Variants in MAP4K5 observed in about 807,000 individuals in gnomAD.
MAP4K5 encodes MAPK/ERK kinase kinase kinase 5.
A neutral mutation model predicts 135.6 loss-of-function variants in MAP4K5; 82 were observed. The observed-to-expected ratio is 0.60, with a 90% CI of 0.51 to 0.73. MAP4K5 has a LOEUF of 0.73. MAP4K5 is among the 30% of genes least tolerant of loss of function. The pLI is 0.00. For missense variants in MAP4K5, 907 were observed against 1,010.9 expected, an observed-to-expected ratio of 0.90 and a Z score of 1.39; for synonymous variants, 347 against 335.0, an observed-to-expected ratio of 1.04 and a Z score of -0.39.
chr14:50,527,063 T>C (rs2038281470), intron 2 of MAP4K5, among the ~76,000 whole-genome samples: 1 of 152,218 alleles, frequency 6.6e-6, no homozygotes. Context: ...TACTTTTGAC[T>C]GGGTGTGGTG....
intron 6 of MAP4K5, among the ~76,000 whole-genome samples, chr14:50,480,602 C>T (rs2139900940): frequency 6.6e-6 from 1 of 152,208 alleles, no homozygotes; most frequent in East Asian, 1.9e-4. Flanking sequence ...ATAAGGATCT[C>T]CAGCTCCATC....
At chr14:50,457,984 G>T (rs528405567) in intron 13 of MAP4K5, among the ~76,000 whole-genome samples, 2 of 152,262 alleles carry the variant, frequency 1.3e-5, no homozygotes, top group African/African-American at 4.8e-5. Context: ...CACATCTGGG[G>T]TATCAATCAT....
chr14:50,472,368 G>A (rs1257395434), intron 9 of MAP4K5: 3 of 152,030 alleles, frequency 2.0e-5, no homozygotes, highest in Non-Finnish European at 4.4e-5. Flanking sequence ...AATTATCTGA[G>A]TTATCTTTGA....
chr14:50,473,575 T>C (rs2037021609), intron 9 of MAP4K5, among the ~76,000 whole-genome samples: 1 of 152,292 alleles, frequency 6.6e-6, no homozygotes. Flanking sequence ...TAATTTTGTT[T>C]AAGCTGGTGG....
intron 1 of MAP4K5, among the ~76,000 whole-genome samples, chr14:50,557,167 T>G (rs977344036): frequency 1.3e-5 from 2 of 152,220 alleles, no homozygotes; most frequent in African/African-American, 4.8e-5. Flanking sequence ...TCTTTTTGAT[T>G]ATAGTCATCA....
intron 2 of MAP4K5, among the ~76,000 whole-genome samples, chr14:50,520,043 C>A (rs942470540): frequency 1.3e-5 from 2 of 152,192 alleles, no homozygotes; most frequent in African/African-American, 4.8e-5. Flanking sequence ...GGGATGCATG[C>A]ATGTGAGAAA....
Position 50,419,748 on chromosome 14 carries a change from T to TA in MAP4K5, c.*270dup, listed in dbSNP as rs1595406251. On this transcript the variant is annotated 3_prime_UTR_variant, in exon 33 of 33. Transcript: ENST00000682126. ...CCCTTGTTACAAACATTGTTTTTTT[T>TA]AAAAAAAGACTGTGTTTCCTGGAAC... is the stretch of plus-strand genomic sequence containing the variant. 1.6e-5 allele frequency: 5 copies of TA among 312,520 alleles called. No individual in the cohort carries two copies. The highest frequency in any genetic ancestry group is 8.7e-5 in the South Asian group (1 of 11,458). 19.4% of individuals were successfully genotyped at this position (312,520 alleles called of 1,614,324 possible).
At chr14:50,493,474 C>A (rs2037529104) in intron 3 of MAP4K5, among the ~76,000 whole-genome samples, 1 of 151,890 alleles carries the variant, frequency 6.6e-6, no homozygotes, top group South Asian at 2.1e-4. Context: ...CATTAAAAAT[C>A]ACATAAAAGT....
rs536690878 is a variant in MAP4K5 at position 50,467,991 on chromosome 14, A to G, written c.674+660T>C. 5.0e-4 allele frequency among the ~76,000 whole-genome samples: 76 copies of G among 152,216 alleles called. 1 individual carries two copies. The highest frequency in any genetic ancestry group is 1.8e-3 in the African/African-American group (74 of 41,584). On this transcript the variant is annotated intron_variant, in intron 10 of 32. Transcript: ENST00000682126. ...TAGCTTCATACCATTTAAAGTGTCA[A>G]TTTAAGCCTAATCTATCTTTTCCTT...
chr14:50,526,361 G>A (rs12880246), intron 2 of MAP4K5, among the ~76,000 whole-genome samples: 31,783 of 152,082 alleles, frequency 0.21, 3,845 homozygotes, highest in Middle Eastern at 0.28. Context: ...GTGAAGTGGC[G>A]CAATCTCAGC....
At chr14:50,473,824 C>T (rs527771641) in intron 9 of MAP4K5, among the ~76,000 whole-genome samples, 8 of 147,932 alleles carry the variant, frequency 5.4e-5, no homozygotes, top group South Asian at 4.3e-4. Flanking sequence ...CCTGGGTTCA[C>T]GCCCTTCTCC....
At chr14:50,459,144 C>G (rs1253580688) in intron 13 of MAP4K5, among the ~76,000 whole-genome samples, 1 of 152,140 alleles carries the variant, frequency 6.6e-6, no homozygotes, top group Non-Finnish European at 1.5e-5. Context: ...AAACTTTTCT[C>G]TCCAAGCTAC....
At chr14:50,547,161 G>A (rs937673516) in intron 1 of MAP4K5, among the ~76,000 whole-genome samples, 1 of 152,156 alleles carries the variant, frequency 6.6e-6, no homozygotes, top group Non-Finnish European at 1.5e-5. Flanking sequence ...ATAGTGATTA[G>A]ATTTGTCTAA....
chr14:50,493,768 G>C (rs1208468928), intron 3 of MAP4K5, among the ~76,000 whole-genome samples: 1 of 151,964 alleles, frequency 6.6e-6, no homozygotes, highest in East Asian at 1.9e-4. Context: ...CGGGCAGATC[G>C]CCTGAGGTCA....
At chr14:50,496,812 C>T (rs1378274875) in intron 3 of MAP4K5, among the ~76,000 whole-genome samples, 1 of 146,362 alleles carries the variant, frequency 6.8e-6, no homozygotes, top group Admixed American at 6.8e-5. Flanking sequence ...CGCTCCCAGA[C>T]CAAAAAAATA....
intron 9 of MAP4K5, among the ~76,000 whole-genome samples, chr14:50,469,086 A>G (rs1048778573): frequency 6.6e-6 from 1 of 152,224 alleles, no homozygotes; most frequent in African/African-American, 2.4e-5. Flanking sequence ...AAGAATACCT[A>G]AATCCCTGTG....
intron 3 of MAP4K5, among the ~76,000 whole-genome samples, chr14:50,499,894 T>A (rs2037671820): frequency 6.6e-6 from 1 of 152,160 alleles, no homozygotes; most frequent in Non-Finnish European, 1.5e-5. Context: ...AATGCCAGCT[T>A]TTGCTACAAT....
chr14:50,560,526 C>A, intron 1 of MAP4K5: 1 of 589,254 alleles, frequency 1.7e-6, no homozygotes, highest in South Asian at 2.0e-5. Flanking sequence ...TCGCGCAGGC[C>A]GGGCCTCCAG....
In MAP4K5 at chr14:50,521,393, C is replaced by G. The variant is rs140884781; in HGVS notation, c.108+10549G>C. On this transcript the variant is annotated intron_variant, in intron 2 of 32. Transcript: ENST00000682126. ...GTGTAGAGTAGTGAATTTAAAGATGCAGTCCTAAGGTGGCTTGGAATAATG... is the reference window on the plus strand; with the variant it reads ...GTGTAGAGTAGTGAATTTAAAGATGGAGTCCTAAGGTGGCTTGGAATAATG... 1.8e-4 allele frequency among the ~76,000 whole-genome samples: 27 copies of G among 152,268 alleles called. No individual in the cohort carries two copies. In the East Asian group the frequency reaches 4.6e-3, roughly 26 times the overall value.
Sources: allele counts gnomAD v4.1 joint callset (sites outside exome capture counted in the v4.1 genomes callset), GRCh38; gene constraint gnomAD v4.1.1; transcripts MANE v1.5; gene names NCBI Gene and HGNC (gene_info 2026-07-23, HGNC 2026-07-21).